Variants in UBE2J1 observed in about 807,000 individuals in gnomAD.
The protein encoded by UBE2J1 is ubiquitin-conjugating enzyme E2 J1.
UBE2J1 carries 17 observed loss-of-function variants against 42.1 expected under a neutral mutation model. The observed-to-expected ratio is 0.40, with a 90% CI of 0.28 to 0.61. The LOEUF (loss-of-function observed/expected upper bound fraction) is 0.61, where lower values mean the gene tolerates loss of function less well. Ranked by LOEUF, UBE2J1 falls within the 20% of genes least tolerant of loss-of-function variation. The pLI, the probability that UBE2J1 is intolerant of heterozygous loss-of-function variation, is 0.38. For missense variants in UBE2J1, 291 were observed against 389.4 expected (o/e 0.75, Z 2.13); for synonymous variants, 127 against 137.2 (o/e 0.93, Z 0.52).
intron 3 of UBE2J1, 77 bp downstream of exon 3, chr6:89,342,247 A>C: frequency 6.6e-7 from 1 of 1,520,294 alleles, no homozygotes; most frequent in South Asian, 1.2e-5. Context: ...TTCTTAATGA[A>C]AATGATTTGC....
chr6:89,339,288 G>C lies in UBE2J1; in HGVS notation c.238-745C>G, dbSNP rs573572859. On this transcript the variant is annotated intron_variant, in intron 3 of 7. Transcript: ENST00000435041. ...AAAAGAAAAGAAAGAAAATTAGCCAGGAGTGGTGGCATGTGCCTCTAGTCC... is the reference window on the plus strand; with the variant it reads ...AAAAGAAAAGAAAGAAAATTAGCCACGAGTGGTGGCATGTGCCTCTAGTCC... Among the ~76,000 whole-genome samples the C allele has an allele frequency of 1.2e-3, 176 of 148,580 alleles. 2 individuals carry two copies. Among genetic ancestry groups the C allele is most frequent in the African/African-American group, 4.2e-3 (170 of 40,144 alleles).
chr6:89,351,543 A>G (rs1314714811), intron 1 of UBE2J1, among the ~76,000 whole-genome samples: 4 of 152,218 alleles, frequency 2.6e-5, no homozygotes, highest in South Asian at 2.1e-4. Context: ...CAAAAAACCC[A>G]AAGATTCACA....
At chr6:89,342,287 T>C (rs1402037641) in intron 3 of UBE2J1, 37 bp downstream of exon 3, 1 of 1,608,182 alleles carries the variant, frequency 6.2e-7, no homozygotes, top group Admixed American at 1.7e-5. Flanking sequence ...CCAGGAAGAG[T>C]GAAGCCACAA....
chr6:89,343,701 G>T lies in UBE2J1; in HGVS notation c.87C>A (p.Tyr29Ter), dbSNP rs1768304065. 2 of 1,609,060 alleles carry T rather than the reference G, an allele frequency of 1.2e-6. No homozygotes were observed. Among genetic ancestry groups the T allele is most frequent in the Non-Finnish European group, 1.7e-6 (2 of 1,177,846 alleles). Residue 29 changes from tyrosine to a stop codon, truncating the protein, a stop_gained, in exon 2 of 8, where the codon TAC (tyrosine) becomes TAA (stop). Transcript: ENST00000435041. LOFTEE classifies it high-confidence loss of function. ...AACTAACCTCTAAAGGCTGCGCATG[G>T]TAATGATCTGTTGGATCTTTCAATT... ...AAELKDPTDH[Y>*]HAQPLEDNLF...
rs1029541560 is a variant in UBE2J1, at chr6:89,327,709, G to C, written c.*1970C>G. On this transcript the variant is annotated 3_prime_UTR_variant, in exon 8 of 8. Coordinates refer to ENST00000435041, the MANE Select transcript of UBE2J1 (RefSeq NM_016021.3). ...TGCAGCAGGATTGGCTTAAAGTATA[G>C]GTACACCCCATGGAAACATGCAATA... 1.6e-4 allele frequency: 25 copies of C among 152,194 alleles called. No homozygotes were observed. The highest frequency in any genetic ancestry group is 6.0e-4 in the African/African-American group (25 of 41,426). 9.4% of individuals were successfully genotyped at this position (152,194 alleles called of 1,614,324 possible). A position where few individuals can be genotyped will look rare whatever the true frequency, so the allele number is the denominator to read the frequency against.
chr6:89,331,056 CTGA>C (rs1377493374), intron 7 of UBE2J1, among the ~76,000 whole-genome samples: 1 of 152,174 alleles, frequency 6.6e-6, no homozygotes, highest in Non-Finnish European at 1.5e-5. Flanking sequence ...AACAGATGGC[CTGA>C]TGTTATCTGA....
intron 1 of UBE2J1, among the ~76,000 whole-genome samples, chr6:89,349,512 A>C (rs938232235): frequency 2.6e-5 from 4 of 152,174 alleles, no homozygotes; most frequent in Admixed American, 2.6e-4. Flanking sequence ...CCAAGAAATA[A>C]AAAATGACTC....
At chr6:89,330,513 C>A (rs1767990221) in intron 7 of UBE2J1, among the ~76,000 whole-genome samples, 1 of 151,860 alleles carries the variant, frequency 6.6e-6, no homozygotes, top group Non-Finnish European at 1.5e-5. Context: ...TTATAAAATT[C>A]TAAATTTTTT....
intron 2 of UBE2J1, 60 bp from the exon 3 acceptor site, chr6:89,342,515 C>A: frequency 6.8e-7 from 1 of 1,466,476 alleles, no homozygotes; most frequent in Admixed American, 2.4e-5. Context: ...ATCATTTTAT[C>A]TGAATATTAG....
At position 89,338,404 on chromosome 6, in the gene UBE2J1, A is replaced by G. The variant is rs1056195214; in HGVS notation, c.322+55T>C. The G allele has an allele frequency of 7.6e-6, 12 of 1,570,372 alleles. No homozygotes were observed. The Admixed American group carries it at 1.9e-4, about 25-fold the overall frequency. ...AAAAAATCAGAGTATTATACTTCAT[A>G]ACTATGAATTGACTGAAGTTATGAG... On this transcript the variant is annotated intron_variant, in intron 4 of 7. Transcript: ENST00000435041.
At chr6:89,336,517 G>C (rs1221208034) in intron 5 of UBE2J1, among the ~76,000 whole-genome samples, 1 of 140,710 alleles carries the variant, frequency 7.1e-6, no homozygotes, top group African/African-American at 2.7e-5. Context: ...TTTTTTTGTA[G>C]AGACAGTGTC....
intron 6 of UBE2J1, 22 bp from the exon 7 acceptor site, chr6:89,333,227 G>A (rs1345333078): frequency 1.9e-6 from 3 of 1,594,590 alleles, no homozygotes; most frequent in African/African-American, 2.7e-5. Context: ...ATAGACCCAA[G>A]AGCAGTGTGA....
At position 89,352,366 on chromosome 6, in the gene UBE2J1, C is replaced by G. The variant is rs905014583; in HGVS notation, c.31+173G>C. Reference sequence around the variant, plus strand: ...GGGGGATTGGCAGCGGACGTCCACCCGGCCACCTCGCCCTGCGGCCTGTAC... The same window carrying G: ...GGGGGATTGGCAGCGGACGTCCACCGGGCCACCTCGCCCTGCGGCCTGTAC... On this transcript the variant is annotated intron_variant, in intron 1 of 7. Transcript: ENST00000435041. Among the ~76,000 whole-genome samples, 50 of 152,172 alleles carry G rather than the reference C, an allele frequency of 3.3e-4. 1 individual carries two copies. The highest frequency in any genetic ancestry group is 1.2e-3 in the African/African-American group (50 of 41,452).
intron 5 of UBE2J1, among the ~76,000 whole-genome samples, chr6:89,336,520 A>G (rs1346836260): frequency 6.9e-6 from 1 of 145,196 alleles, no homozygotes; most frequent in Non-Finnish European, 1.5e-5. Flanking sequence ...TTTTGTAGAG[A>G]CAGTGTCTCC....
chr6:89,350,472 TATTTTCACAATGCCTCCCAGC>T (rs1219096183), intron 1 of UBE2J1, among the ~76,000 whole-genome samples: 1 of 152,182 alleles, frequency 6.6e-6, no homozygotes, highest in African/African-American at 2.4e-5. Flanking sequence ...AGGAAGGAAG[TATTTTCACAATGCCTCCCAGC>T]ATTTTCAGTA....
chr6:89,341,380 T>C (rs1215810449), intron 3 of UBE2J1, among the ~76,000 whole-genome samples: 3 of 152,314 alleles, frequency 2.0e-5, no homozygotes, highest in African/African-American at 7.2e-5. Context: ...GGTTAGGGGA[T>C]AATTAAACAT....
Position 89,326,636 on chromosome 6 carries a change from T to C in UBE2J1, c.*3043A>G, listed in dbSNP as rs1352011980. 2.0e-5 allele frequency: 3 copies of C among 152,190 alleles called. No individual in the cohort carries two copies. The highest frequency in any genetic ancestry group is 7.2e-5 in the African/African-American group (3 of 41,446). 9.4% of individuals were successfully genotyped at this position (152,190 alleles called of 1,614,324 possible). A position where few individuals can be genotyped will look rare whatever the true frequency, so the allele number is the denominator to read the frequency against. ...GGTCAAAAACAAGGTATGAGTAAAG[T>C]CACTGGTTTTATTGAGCAGCTCAAA... On this transcript the variant is annotated 3_prime_UTR_variant, in exon 8 of 8. Transcript: ENST00000435041.
chr6:89,331,428 C>A (rs756238451), intron 7 of UBE2J1, among the ~76,000 whole-genome samples: 2 of 152,110 alleles, frequency 1.3e-5, no homozygotes, highest in Non-Finnish European at 2.9e-5. Context: ...ATAATAACAT[C>A]ATTATTTGTA....
Position 89,338,883 on chromosome 6 carries a change from T to C in UBE2J1, c.238-340A>G, listed in dbSNP as rs373446733. ...GGTTTCACCGTGTTAGCCAGGATGGTCTCGATATCCTGACCTTGTGATCTG... is the reference window on the plus strand; with the variant it reads ...GGTTTCACCGTGTTAGCCAGGATGGCCTCGATATCCTGACCTTGTGATCTG... On this transcript the variant is annotated intron_variant, in intron 3 of 7. Transcript: ENST00000435041. 2.6e-5 allele frequency among the ~76,000 whole-genome samples: 4 copies of C among 152,038 alleles called. No individual in the cohort carries two copies. The Middle Eastern group carries it at 0.01, about 388-fold the overall frequency.
Sources: gnomAD v4.1 joint callset for allele counts (sites outside exome capture counted in the v4.1 genomes callset) on GRCh38, gnomAD v4.1.1 for gene constraint, MANE v1.5 for transcripts, NCBI Gene and HGNC (gene_info 2026-07-23, HGNC 2026-07-21) for gene names.